SSBP2: variants seen among roughly 807,000 people sequenced by gnomAD.
The protein encoded by SSBP2 is single-stranded DNA-binding protein 2.
A neutral mutation model predicts 61.8 loss-of-function variants in SSBP2; 17 were observed. That is an observed-to-expected ratio of 0.28 (90% CI 0.19 to 0.41). The LOEUF is 0.41. Ranked by LOEUF, SSBP2 falls within the 10% of genes least tolerant of loss-of-function variation. SSBP2 has a pLI of 1.00. For missense variants in SSBP2, 310 were observed against 458.7 expected, an observed-to-expected ratio of 0.68 and a Z score of 2.96; for synonymous variants, 139 against 141.3, an observed-to-expected ratio of 0.98 and a Z score of 0.12.
rs1408065251 is a variant in SSBP2, at chr5:81,619,530, G to C, written c.198-3973C>G. 2.8e-3 allele frequency among the ~76,000 whole-genome samples: 418 copies of C among 147,852 alleles called. 1 individual carries two copies. Among genetic ancestry groups the C allele is most frequent in the Non-Finnish European group, 5.1e-3 (340 of 67,078 alleles). ...AGCCGAATTCTACCAGAGGTACAGG[G>C]AGGAACTGGTACCATTCCTTCTGAA... On this transcript the variant is annotated intron_variant, in intron 3 of 16. Coordinates refer to ENST00000320672, the MANE Select transcript of SSBP2 (RefSeq NM_012446.5).
chr5:81,651,971 G>T (rs1043246364), intron 1 of SSBP2, among the ~76,000 whole-genome samples: 5 of 150,560 alleles, frequency 3.3e-5, no homozygotes. Context: ...CCCACTGCCT[G>T]AAAAAAAAAC....
intron 1 of SSBP2, among the ~76,000 whole-genome samples, chr5:81,659,647 A>C (rs990995819): frequency 1.3e-5 from 2 of 152,226 alleles, no homozygotes; most frequent in Admixed American, 6.5e-5. Flanking sequence ...CTTTCTTCAC[A>C]GAACTAAAAA....
At chr5:81,627,128 TTGAG>T (rs1247063503) in intron 3 of SSBP2, among the ~76,000 whole-genome samples, 3 of 152,246 alleles carry the variant, frequency 2.0e-5, no homozygotes, top group Admixed American at 6.5e-5. Flanking sequence ...TCTAATTAAC[TTGAG>T]TAACATTTGC....
chr5:81,591,644 G>A (rs1480142191), intron 4 of SSBP2, among the ~76,000 whole-genome samples: 6 of 152,038 alleles, frequency 3.9e-5, no homozygotes, highest in Admixed American at 1.3e-4. Flanking sequence ...TAAAGATGAA[G>A]ACTGTCTTTG....
At chr5:81,479,769 GTTA>G (rs957074834) in intron 6 of SSBP2, among the ~76,000 whole-genome samples, 7 of 152,072 alleles carry the variant, frequency 4.6e-5, no homozygotes, top group African/African-American at 1.7e-4. Flanking sequence ...ATCTTATAAA[GTTA>G]TTATTATTCA....
intron 4 of SSBP2, among the ~76,000 whole-genome samples, chr5:81,544,822 C>T (rs1771602602): frequency 6.6e-6 from 1 of 152,186 alleles, no homozygotes; most frequent in Non-Finnish European, 1.5e-5. Context: ...GAGCAGAGGT[C>T]ATGTGACTGA....
At chr5:81,429,882 A>G (rs1247784853) in intron 15 of SSBP2, among the ~76,000 whole-genome samples, 1 of 152,152 alleles carries the variant, frequency 6.6e-6, no homozygotes, top group African/African-American at 2.4e-5. Context: ...CGCAGGGAGG[A>G]TCTGAGAACA....
At chr5:81,692,959 A>T (rs1324638343) in intron 1 of SSBP2, among the ~76,000 whole-genome samples, 1 of 152,096 alleles carries the variant, frequency 6.6e-6, no homozygotes, top group East Asian at 1.9e-4. Flanking sequence ...TAATCCCAGC[A>T]CTTTGGGAGG....
chr5:81,744,875 T>C (rs1757252972), intron 1 of SSBP2, among the ~76,000 whole-genome samples: 1 of 152,176 alleles, frequency 6.6e-6, no homozygotes, highest in East Asian at 1.9e-4. Flanking sequence ...TTTTGTCATT[T>C]CTAAAGAAAT....
At chr5:81,623,107 G>A (rs1215868895) in intron 3 of SSBP2, among the ~76,000 whole-genome samples, 2 of 152,112 alleles carry the variant, frequency 1.3e-5, no homozygotes, top group African/African-American at 4.8e-5. Context: ...GCATTACAGT[G>A]TATTGCAGTA....
intron 4 of SSBP2, among the ~76,000 whole-genome samples, chr5:81,564,288 G>C (rs1047546138): frequency 6.6e-6 from 1 of 152,164 alleles, no homozygotes; most frequent in African/African-American, 2.4e-5. Flanking sequence ...CAAGAGAATG[G>C]AGAAAGGGAG....
chr5:81,747,364 T>G (rs1056575555), intron 1 of SSBP2, among the ~76,000 whole-genome samples: 7 of 152,122 alleles, frequency 4.6e-5, no homozygotes, highest in African/African-American at 1.4e-4. Context: ...GGTGAGTTCT[T>G]TAACCATTCA....
At chr5:81,467,099 A>AG in intron 8 of SSBP2, 34 bp from the exon 9 acceptor site, 3 of 1,438,492 alleles carry the variant, frequency 2.1e-6, no homozygotes, top group Admixed American at 1.7e-5. Flanking sequence ...ACCAAAGAGG[A>AG]GGGGGGAAAG....
chr5:81,667,055 G>A (rs1554108579), intron 1 of SSBP2, among the ~76,000 whole-genome samples: 1 of 151,970 alleles, frequency 6.6e-6, no homozygotes, highest in Non-Finnish European at 1.5e-5. Flanking sequence ...ACTGTTTTTA[G>A]ACACGGGACA....
intron 1 of SSBP2, among the ~76,000 whole-genome samples, chr5:81,704,367 TAC>T (rs1372300835): frequency 6.6e-6 from 1 of 152,228 alleles, no homozygotes; most frequent in Non-Finnish European, 1.5e-5. Context: ...TGTTCAGTTC[TAC>T]CACTTACATT....
Position 81,428,645 on chromosome 5 carries a change from GCC to G in SSBP2, c.994_995del (p.Gly332HisfsTer5). On this transcript the variant is annotated frameshift_variant, in exon 16 of 17. Coordinates refer to ENST00000320672, the MANE Select transcript of SSBP2 (RefSeq NM_012446.5). LOFTEE classifies it high-confidence loss of function. The stretch of plus-strand genomic sequence containing the variant: ...CCATTTCGCCATCATCCCTTGGAGT[GCC>G]CGGTTGATTACTCAGGCTCATATTA... The G allele has an allele frequency of 3.1e-6, 5 of 1,613,248 alleles. No individual in the cohort carries two copies. The Admixed American group carries it at 8.3e-5, about 27-fold the overall frequency.
rs578229138 is a variant in SSBP2 at position 81,611,779 on chromosome 5, A to G, written c.282+3694T>C. 1.2e-4 allele frequency among the ~76,000 whole-genome samples: 19 copies of G among 152,234 alleles called. 1 individual carries two copies. In the South Asian group the frequency reaches 3.9e-3, roughly 32 times the overall value. ...AAATATATATTATTTTTACAATAAAATGAACTTTAAATAAAGTCATCCTGT... is the reference window on the plus strand; with the variant it reads ...AAATATATATTATTTTTACAATAAAGTGAACTTTAAATAAAGTCATCCTGT... On this transcript the variant is annotated intron_variant, in intron 4 of 16. Coordinates refer to ENST00000320672, the MANE Select transcript of SSBP2 (RefSeq NM_012446.5).
At chr5:81,528,197 C>A (rs1157280667) in intron 4 of SSBP2, among the ~76,000 whole-genome samples, 2 of 151,922 alleles carry the variant, frequency 1.3e-5, no homozygotes, top group African/African-American at 4.8e-5. Flanking sequence ...TAGAAGCTGG[C>A]TGAACTTAAT....
At chr5:81,638,524 GA>G (rs78795922) in intron 2 of SSBP2, among the ~76,000 whole-genome samples, 155 of 140,178 alleles carry the variant, frequency 1.1e-3, no homozygotes, top group Middle Eastern at 3.6e-3. Context: ...GTCTCAGAGG[GA>G]AAAAAAAAAA....
Sources: gnomAD v4.1 joint callset for allele counts (sites outside exome capture counted in the v4.1 genomes callset) on GRCh38, gnomAD v4.1.1 for gene constraint, MANE v1.5 for transcripts, NCBI Gene and HGNC (gene_info 2026-07-23, HGNC 2026-07-21) for gene names.